EPHA6: variants seen among roughly 807,000 people sequenced by gnomAD.
EPHA6 encodes the protein EPH receptor A6.
Under a neutral mutation model 112.0 loss-of-function variants are expected in EPHA6, and 50 were observed. That is an observed-to-expected ratio of 0.45 (90% CI 0.36 to 0.56). The LOEUF (loss-of-function observed/expected upper bound fraction) is 0.56, where lower values mean the gene tolerates loss of function less well. Ranked by LOEUF, EPHA6 falls within the 20% of genes least tolerant of loss-of-function variation. EPHA6 has a pLI of 0.00. For missense variants in EPHA6, 1,280 were observed against 1,417.4 expected (o/e 0.90, Z 1.56); for synonymous variants, 529 against 490.7 (o/e 1.08, Z -1.03).
At position 97,478,860 on chromosome 3, in the gene EPHA6, A is replaced by AGGGAG. The variant is rs2091450537; in HGVS notation, c.2004-434_2004-433insGGGAG. The stretch of plus-strand genomic sequence containing the variant: ...GCATGGTTATCCAGAGGGAGACTAG[A>AGGGAG]ACATGCCTCTACCAAATTCCAAATA... On this transcript the variant is annotated intron_variant, in intron 8 of 17. Coordinates refer to ENST00000389672, the MANE Select transcript of EPHA6 (RefSeq NM_001080448.3). Among the ~76,000 whole-genome samples the AGGGAG allele has an allele frequency of 4.6e-5, 7 of 152,010 alleles. No individual in the cohort carries two copies. In the South Asian group the frequency reaches 1.2e-3, roughly 27 times the overall value.
chr3:97,657,929 A>G (rs565521122), intron 14 of EPHA6, among the ~76,000 whole-genome samples: 3 of 151,896 alleles, frequency 2.0e-5, no homozygotes, highest in Admixed American at 6.6e-5. Context: ...CACATATCCA[A>G]TTATTTCCTC....
At chr3:97,076,140 A>G (rs917526176) in intron 3 of EPHA6, among the ~76,000 whole-genome samples, 17 of 152,148 alleles carry the variant, frequency 1.1e-4, no homozygotes, top group African/African-American at 3.9e-4. Flanking sequence ...GCTATAAATG[A>G]TTAGGCTTAA....
chr3:97,470,805 T>A (rs2091207500), intron 7 of EPHA6, among the ~76,000 whole-genome samples: 1 of 151,652 alleles, frequency 6.6e-6, no homozygotes, highest in South Asian at 2.1e-4. Flanking sequence ...TCTTCCCAAA[T>A]CATAGAATGA....
chr3:97,553,511 G>A (rs2093059044), intron 11 of EPHA6, among the ~76,000 whole-genome samples: 1 of 152,104 alleles, frequency 6.6e-6, no homozygotes, highest in African/African-American at 2.4e-5. Flanking sequence ...CTAAGAGTAA[G>A]CAAGGCACAT....
At chr3:97,494,509 C>T (rs1036891093) in intron 10 of EPHA6, among the ~76,000 whole-genome samples, 7 of 152,080 alleles carry the variant, frequency 4.6e-5, no homozygotes, top group Middle Eastern at 3.4e-3. Flanking sequence ...TTTCCCTATC[C>T]GTGAAATAAA....
At chr3:97,668,911 CAA>C (rs397990599) in intron 14 of EPHA6, among the ~76,000 whole-genome samples, 134 of 31,860 alleles carry the variant, frequency 4.2e-3, no homozygotes, top group South Asian at 0.015. Context: ...GACTCTGTCT[CAA>C]AAAAAAAAAA....
chr3:97,110,214 G>C (rs116800543), intron 3 of EPHA6, among the ~76,000 whole-genome samples: 2,295 of 152,096 alleles, frequency 0.015, 68 homozygotes, highest in African/African-American at 0.052. Context: ...GTAGATGGGG[G>C]TGGATGATGG....
chr3:96,877,564 T>C (rs1197610697), intron 2 of EPHA6, among the ~76,000 whole-genome samples: 3 of 151,982 alleles, frequency 2.0e-5, no homozygotes, highest in Non-Finnish European at 4.4e-5. Flanking sequence ...ATATGGATTT[T>C]TAATGAGTGA....
At chr3:97,198,647 C>G (rs1018618465) in intron 3 of EPHA6, among the ~76,000 whole-genome samples, 4 of 151,964 alleles carry the variant, frequency 2.6e-5, no homozygotes, top group Non-Finnish European at 5.9e-5. Flanking sequence ...GAACTAAAAC[C>G]TAAGTATACA....
At chr3:97,604,227 A>T (rs1352158) in intron 12 of EPHA6, among the ~76,000 whole-genome samples, 50,051 of 151,550 alleles carry the variant, frequency 0.33, 12,275 homozygotes, top group African/African-American at 0.66. Context: ...AAGTGAGTTA[A>T]AAAAGGTTAC....
At chr3:97,401,024 TC>T (rs2086961748) in intron 5 of EPHA6, among the ~76,000 whole-genome samples, 1 of 151,844 alleles carries the variant, frequency 6.6e-6, no homozygotes, top group Non-Finnish European at 1.5e-5. Context: ...TTTCAACTTT[TC>T]CCCATTCAGT....
intron 3 of EPHA6, among the ~76,000 whole-genome samples, chr3:97,129,528 A>T (rs971807482): frequency 6.6e-6 from 1 of 151,788 alleles, no homozygotes; most frequent in Admixed American, 6.6e-5. Context: ...CAAAAAAAAA[A>T]ACAACAAAAA....
intron 11 of EPHA6, among the ~76,000 whole-genome samples, chr3:97,577,934 C>A (rs2093402570): frequency 6.6e-6 from 1 of 152,036 alleles, no homozygotes; most frequent in South Asian, 2.1e-4. Context: ...AGACTGAGAA[C>A]AATCCAGGCA....
At chr3:97,530,509 A>G (rs2092683131) in intron 10 of EPHA6, among the ~76,000 whole-genome samples, 2 of 151,856 alleles carry the variant, frequency 1.3e-5, no homozygotes, top group African/African-American at 4.8e-5. Context: ...TCATTGCATT[A>G]TTACAAGCAC....
At chr3:96,941,366 T>C (rs1559609419) in intron 2 of EPHA6, among the ~76,000 whole-genome samples, 1 of 152,218 alleles carries the variant, frequency 6.6e-6, no homozygotes, top group Non-Finnish European at 1.5e-5. Flanking sequence ...CTATCACTGA[T>C]ACCCTTTCTT....
chr3:97,425,433 C>A (rs1450925093), intron 6 of EPHA6, among the ~76,000 whole-genome samples: 2 of 152,230 alleles, frequency 1.3e-5, no homozygotes, highest in Non-Finnish European at 2.9e-5. Flanking sequence ...GGGGCTTGCA[C>A]CCCCACAAAG....
At chr3:97,337,434 G>A (rs1031999383) in intron 5 of EPHA6, among the ~76,000 whole-genome samples, 5 of 151,946 alleles carry the variant, frequency 3.3e-5, no homozygotes, top group Non-Finnish European at 5.9e-5. Flanking sequence ...CTTCTTAATC[G>A]TTCTCACCTT....
At chr3:97,698,566 G>C (rs1462597383) in intron 14 of EPHA6, among the ~76,000 whole-genome samples, 1 of 152,142 alleles carries the variant, frequency 6.6e-6, no homozygotes, top group Non-Finnish European at 1.5e-5. Context: ...TAACACAATA[G>C]AGTTAATGTG....
chr3:96,903,205 A>G (rs1480395924), intron 2 of EPHA6, among the ~76,000 whole-genome samples: 2 of 152,168 alleles, frequency 1.3e-5, no homozygotes, highest in African/African-American at 2.4e-5. Flanking sequence ...TATAGTACAA[A>G]GCCCTTCAAG....
Sources: gnomAD v4.1 joint callset for allele counts (sites outside exome capture counted in the v4.1 genomes callset) on GRCh38, gnomAD v4.1.1 for gene constraint, MANE v1.5 for transcripts, NCBI Gene and HGNC (gene_info 2026-07-23, HGNC 2026-07-21) for gene names.